SPAG16: variants seen among roughly 807,000 people sequenced by gnomAD.
SPAG16 encodes the protein sperm associated antigen 16.
Under a neutral mutation model 80.4 loss-of-function variants are expected in SPAG16, and 86 were observed. That is an observed-to-expected ratio of 1.07 (90% CI 0.90 to 1.28). SPAG16 has a LOEUF of 1.28. SPAG16 is among the 50% of genes most tolerant of loss of function. The pLI is 0.00. For synonymous variants in SPAG16, 294 were observed against 265.9 expected (o/e 1.11, Z -1.03); for missense variants, 870 against 765.3 (o/e 1.14, Z -1.61).
chr2:213,860,777 A>T (rs1242273172), intron 10 of SPAG16, among the ~76,000 whole-genome samples: 3 of 152,146 alleles, frequency 2.0e-5, no homozygotes, highest in Non-Finnish European at 4.4e-5. Context: ...GTTCGTAAAA[A>T]CATCAATGAT....
chr2:213,616,987 C>T (rs181190555), intron 10 of SPAG16, among the ~76,000 whole-genome samples: 21 of 152,172 alleles, frequency 1.4e-4, no homozygotes, highest in Admixed American at 3.9e-4. Flanking sequence ...GGATGCTCGC[C>T]GTTTGTAGTG....
intron 10 of SPAG16, among the ~76,000 whole-genome samples, chr2:213,798,495 TC>T (rs1575165998): frequency 6.6e-6 from 1 of 152,232 alleles, no homozygotes; most frequent in East Asian, 1.9e-4. Context: ...TCTCAAGTGA[TC>T]CTCCCACCTT....
intron 10 of SPAG16, among the ~76,000 whole-genome samples, chr2:213,603,255 C>G (rs1336930158): frequency 6.6e-6 from 1 of 152,150 alleles, no homozygotes. Flanking sequence ...CTGTGAAACC[C>G]TTGTTTATAT....
intron 10 of SPAG16, among the ~76,000 whole-genome samples, chr2:213,627,378 A>G (rs981021774): frequency 1.3e-5 from 2 of 152,238 alleles, no homozygotes; most frequent in Non-Finnish European, 1.5e-5. Flanking sequence ...GATTATTATT[A>G]AACTACAGTG....
chr2:213,498,756 A>C (rs1456115060), intron 10 of SPAG16, among the ~76,000 whole-genome samples: 1 of 152,118 alleles, frequency 6.6e-6, no homozygotes, highest in East Asian at 1.9e-4. Flanking sequence ...TATCATCCAT[A>C]TGGTCATCTA....
At chr2:214,100,638 C>T (rs189449411) in intron 13 of SPAG16, among the ~76,000 whole-genome samples, 4 of 152,178 alleles carry the variant, frequency 2.6e-5, no homozygotes, top group East Asian at 3.9e-4. Context: ...TGTGGTATTT[C>T]GTTTTCTGTT....
rs1314933637 is a variant in SPAG16, at chr2:214,355,736, C to T, written c.1721-54404C>T. ...GGCACATGCACACGTATGTTTATTGCGGCACTATTCACAATAGCAAAGACT... is the reference window on the plus strand; with the variant it reads ...GGCACATGCACACGTATGTTTATTGTGGCACTATTCACAATAGCAAAGACT... On this transcript the variant is annotated intron_variant, in intron 15 of 15. Transcript: ENST00000331683. Among the ~76,000 whole-genome samples the T allele has an allele frequency of 2.0e-5, 3 of 151,792 alleles. No individual in the cohort carries two copies. In the East Asian group the frequency reaches 5.8e-4, roughly 29 times the overall value.
intron 1 of SPAG16, among the ~76,000 whole-genome samples, chr2:213,292,742 A>G (rs1331913922): frequency 6.6e-6 from 1 of 151,856 alleles, no homozygotes; most frequent in East Asian, 1.9e-4. Context: ...GAAATTTAAA[A>G]TGTCTTTTAT....
chr2:213,595,339 A>G (rs1241364354), intron 10 of SPAG16, among the ~76,000 whole-genome samples: 1 of 152,158 alleles, frequency 6.6e-6, no homozygotes, highest in Admixed American at 6.5e-5. Context: ...ACTTTCATTA[A>G]TAATATCATT....
chr2:213,433,588 A>G (rs2070433105), intron 9 of SPAG16, among the ~76,000 whole-genome samples: 2 of 152,210 alleles, frequency 1.3e-5, no homozygotes, highest in Admixed American at 6.5e-5. Flanking sequence ...TACTGATGAA[A>G]GAAATTGTGG....
intron 15 of SPAG16, among the ~76,000 whole-genome samples, chr2:214,307,533 G>T (rs1202597639): frequency 6.7e-6 from 1 of 149,828 alleles, no homozygotes; most frequent in African/African-American, 2.5e-5. Flanking sequence ...GGTATTTAGT[G>T]CTATAAATTT....
chr2:213,472,323 A>G (rs1176527613), intron 9 of SPAG16, among the ~76,000 whole-genome samples: 3 of 152,106 alleles, frequency 2.0e-5, no homozygotes, highest in Non-Finnish European at 4.4e-5. Context: ...TTCTCAAGCA[A>G]TAAAACCACA....
chr2:213,895,179 A>T (rs1183582221), intron 11 of SPAG16, among the ~76,000 whole-genome samples: 1 of 151,922 alleles, frequency 6.6e-6, no homozygotes, highest in African/African-American at 2.4e-5. Context: ...AATAGCTACA[A>T]TAATATAAAA....
chr2:213,946,329 G>T (rs2079465487), intron 12 of SPAG16, among the ~76,000 whole-genome samples: 51 of 151,098 alleles, frequency 3.4e-4, no homozygotes, highest in African/African-American at 9.5e-4. Flanking sequence ...TGGCCAGGCT[G>T]GTCTTGAACT....
intron 13 of SPAG16, among the ~76,000 whole-genome samples, chr2:214,023,743 T>G (rs560995729): frequency 6.6e-6 from 1 of 151,900 alleles, no homozygotes; most frequent in East Asian, 1.9e-4. Flanking sequence ...TATAAAACCT[T>G]TGCATACACA....
At chr2:213,969,669 T>A (rs2044909090) in intron 12 of SPAG16, among the ~76,000 whole-genome samples, 1 of 152,206 alleles carries the variant, frequency 6.6e-6, no homozygotes, top group Admixed American at 6.5e-5. Context: ...ACAAACTCTG[T>A]AACTATGAGA....
intron 15 of SPAG16, chr2:214,240,702 A>T (rs1428109346): frequency 1.3e-5 from 2 of 152,206 alleles, no homozygotes; most frequent in African/African-American, 4.8e-5. Flanking sequence ...CCCATTATGC[A>T]AGATAAAAAT....
chr2:214,114,814 C>G (rs2053853717), intron 14 of SPAG16, among the ~76,000 whole-genome samples: 1 of 152,184 alleles, frequency 6.6e-6, no homozygotes. Flanking sequence ...GGGCTGCACC[C>G]ACTGTCCAAC....
chr2:214,143,198 A>T (rs1253026890), intron 14 of SPAG16, among the ~76,000 whole-genome samples: 1 of 149,604 alleles, frequency 6.7e-6, no homozygotes, highest in African/African-American at 2.5e-5. Flanking sequence ...CTCATTCATA[A>T]AATGGAGGTG....
Sources: allele counts gnomAD v4.1 joint callset (sites outside exome capture counted in the v4.1 genomes callset), GRCh38; gene constraint gnomAD v4.1.1; transcripts MANE v1.5; gene names NCBI Gene and HGNC (gene_info 2026-07-23, HGNC 2026-07-21).